The following GPC6 variants were observed in gnomAD, a reference collection of about 807,000 sequenced individuals.
The protein encoded by GPC6 is glypican-6.
GPC6 carries 14 observed loss-of-function variants against 55.2 expected under a neutral mutation model. That is an observed-to-expected ratio of 0.25 (90% CI 0.17 to 0.40). The LOEUF (loss-of-function observed/expected upper bound fraction) is 0.40, where lower values mean the gene tolerates loss of function less well. Among genes scored for constraint, GPC6 ranks in the 10% least tolerant of loss-of-function variants. The probability of loss-of-function intolerance (pLI) is 1.00; values close to 1 mark genes in which losing one functional copy is unlikely to be tolerated. For synonymous variants in GPC6, 278 were observed against 259.6 expected (o/e 1.07, Z -0.68); for missense variants, 641 against 708.5 (o/e 0.90, Z 1.08).
At chr13:94,292,982 AT>A in intron 5 of GPC6, among the ~76,000 whole-genome samples, 1 of 152,172 alleles carries the variant, frequency 6.6e-6, no homozygotes, top group Non-Finnish European at 1.5e-5. Context: ...TATTTTGGTA[AT>A]AACATGACGC....
intron 4 of GPC6, among the ~76,000 whole-genome samples, chr13:94,201,611 G>A (rs768342297): frequency 6.6e-6 from 1 of 151,998 alleles, no homozygotes; most frequent in Non-Finnish European, 1.5e-5. Flanking sequence ...CTTGCATTTG[G>A]AAGCATATAA....
At chr13:93,791,778 G>A (rs1393952990) in intron 2 of GPC6, among the ~76,000 whole-genome samples, 4 of 152,262 alleles carry the variant, frequency 2.6e-5, no homozygotes, top group East Asian at 1.9e-4. Context: ...GGGGCATTAC[G>A]TTTGAAAAGA....
chr13:93,953,524 AT>A (rs1054220980), intron 3 of GPC6, among the ~76,000 whole-genome samples: 1 of 152,158 alleles, frequency 6.6e-6, no homozygotes, highest in Non-Finnish European at 1.5e-5. Flanking sequence ...GTTTCTCCAC[AT>A]CTTGTTCATT....
At chr13:94,237,290 T>C (rs1890907503) in intron 4 of GPC6, among the ~76,000 whole-genome samples, 1 of 149,208 alleles carries the variant, frequency 6.7e-6, no homozygotes, top group African/African-American at 2.5e-5. Flanking sequence ...CCCCCTTTCT[T>C]CCTCCCTTCC....
intron 2 of GPC6, among the ~76,000 whole-genome samples, chr13:93,712,158 C>G (rs891893391): frequency 1.4e-4 from 21 of 151,872 alleles, no homozygotes; most frequent in African/African-American, 5.1e-4. Flanking sequence ...TCTATCATGT[C>G]TTTCATATAG....
chr13:94,308,478 A>G (rs1052924039), intron 6 of GPC6, among the ~76,000 whole-genome samples: 4 of 152,242 alleles, frequency 2.6e-5, no homozygotes, highest in Non-Finnish European at 5.9e-5. Context: ...AATATATTTT[A>G]TCCATCTTTT....
At chr13:93,467,084 G>T (rs1488689549) in intron 1 of GPC6, among the ~76,000 whole-genome samples, 1 of 152,140 alleles carries the variant, frequency 6.6e-6, no homozygotes, top group East Asian at 1.9e-4. Flanking sequence ...ATATTTTTCT[G>T]TATACAACGT....
intron 3 of GPC6, among the ~76,000 whole-genome samples, chr13:93,885,477 C>G (rs1218734194): frequency 6.7e-6 from 1 of 149,998 alleles, no homozygotes; most frequent in African/African-American, 2.5e-5. Context: ...TTTAAGGAAG[C>G]AGGAGAAAAA....
intron 2 of GPC6, among the ~76,000 whole-genome samples, chr13:93,694,174 T>A (rs1429817916): frequency 6.6e-6 from 1 of 152,172 alleles, no homozygotes; most frequent in Non-Finnish European, 1.5e-5. Flanking sequence ...CAACATTCCC[T>A]GTTAAGAACT....
intron 1 of GPC6, among the ~76,000 whole-genome samples, chr13:93,523,163 A>G (rs987981451): frequency 2.3e-4 from 34 of 150,146 alleles, no homozygotes; most frequent in African/African-American, 8.0e-4. Context: ...CCATATATGT[A>G]CATATATACA....
intron 4 of GPC6, among the ~76,000 whole-genome samples, chr13:94,070,669 T>G (rs1247909078): frequency 1.3e-5 from 2 of 152,198 alleles, no homozygotes; most frequent in African/African-American, 4.8e-5. Flanking sequence ...ATGAGAACAT[T>G]ACAGCGAGAC....
intron 1 of GPC6, among the ~76,000 whole-genome samples, chr13:93,329,884 T>G (rs1250232765): frequency 1.3e-5 from 2 of 151,846 alleles, no homozygotes; most frequent in African/African-American, 4.8e-5. Context: ...AACATTTAAA[T>G]CTGTAAGAAA....
intron 1 of GPC6, among the ~76,000 whole-genome samples, chr13:93,377,982 G>A (rs1401106748): frequency 2.0e-5 from 3 of 152,296 alleles, no homozygotes; most frequent in Non-Finnish European, 4.4e-5. Flanking sequence ...GTGAATATTT[G>A]TGAAATAGCA....
At chr13:93,556,298 T>C (rs185217284) in intron 2 of GPC6, among the ~76,000 whole-genome samples, 87 of 151,656 alleles carry the variant, frequency 5.7e-4, no homozygotes, top group African/African-American at 2.0e-3. Flanking sequence ...TGGGTTACTT[T>C]TTTTTGCTAG....
intron 7 of GPC6, among the ~76,000 whole-genome samples, chr13:94,397,981 G>T (rs1038346662): frequency 2.6e-5 from 4 of 152,082 alleles, no homozygotes; most frequent in African/African-American, 4.8e-5. Flanking sequence ...TTTATAAGGG[G>T]CATTTCCCCC....
chr13:93,499,721 A>G (rs891780655), intron 1 of GPC6, among the ~76,000 whole-genome samples: 1 of 152,180 alleles, frequency 6.6e-6, no homozygotes, highest in African/African-American at 2.4e-5. Context: ...GCAAACTGCA[A>G]CTAGGATCTA....
At chr13:94,249,263 G>C (rs1891282186) in intron 4 of GPC6, among the ~76,000 whole-genome samples, 1 of 152,066 alleles carries the variant, frequency 6.6e-6, no homozygotes, top group Non-Finnish European at 1.5e-5. Flanking sequence ...CCTCAGCATA[G>C]GCTGATAACA....
At chr13:94,039,679 A>C (rs1005714798) in intron 4 of GPC6, among the ~76,000 whole-genome samples, 1 of 151,850 alleles carries the variant, frequency 6.6e-6, no homozygotes, top group Non-Finnish European at 1.5e-5. Flanking sequence ...CTGGGACAAA[A>C]GCTGGGATGT....
chr13:94,402,037 A>C (rs1379703738), intron 8 of GPC6, among the ~76,000 whole-genome samples: 1 of 152,220 alleles, frequency 6.6e-6, no homozygotes, highest in Non-Finnish European at 1.5e-5. Flanking sequence ...GGAGTTATGG[A>C]CCATACAAAA....
Sources: gnomAD v4.1 joint callset for allele counts (sites outside exome capture counted in the v4.1 genomes callset) on GRCh38, gnomAD v4.1.1 for gene constraint, MANE v1.5 for transcripts, NCBI Gene and HGNC (gene_info 2026-07-23, HGNC 2026-07-21) for gene names.